Variants in SPDYE18 observed in about 807,000 individuals in gnomAD.
SPDYE18 encodes the protein speedy protein E18.
A neutral mutation model predicts 44.9 loss-of-function variants in SPDYE18; 6 were observed. That is an observed-to-expected ratio of 0.13 (90% CI 0.07 to 0.26). SPDYE18 has a LOEUF of 0.26. Ranked by LOEUF, SPDYE18 falls within the 10% of genes least tolerant of loss-of-function variation. The pLI is 1.00. For synonymous variants in SPDYE18, 35 were observed against 177.1 expected (o/e 0.20, Z 6.37); for missense variants, 121 against 463.2 (o/e 0.26, Z 6.78).
At chr7:77,055,452 C>T (rs1198160688) in intron 5 of SPDYE18, 131 bp from the exon 6 acceptor site, 3 of 1,130,390 alleles carry the variant, frequency 2.7e-6, no homozygotes, top group Non-Finnish European at 4.0e-6. Flanking sequence ...GGTGACTGTA[C>T]TCATTTGGAA....
At chr7:77,053,839 A>G (rs749386706) in intron 6 of SPDYE18, among the ~76,000 whole-genome samples, 1 of 143,230 alleles carries the variant, frequency 7.0e-6, no homozygotes, top group Non-Finnish European at 1.5e-5. Flanking sequence ...ACTCTATCTC[A>G]ATAATCAAAC....
At chr7:77,059,083 G>T in intron 3 of SPDYE18, 97 bp downstream of exon 3, 2 of 1,554,684 alleles carry the variant, frequency 1.3e-6, no homozygotes, top group Admixed American at 1.9e-5. Context: ...CTCACCCACT[G>T]GGGGCGTATC....
At position 77,051,580 on chromosome 7, in the gene SPDYE18, G is replaced by A. The variant is rs372257820; in HGVS notation, c.*345C>T. Among the ~76,000 whole-genome samples, 1 of 152,282 alleles carries A rather than the reference G, an allele frequency of 6.6e-6. No individual in the cohort carries two copies. Among genetic ancestry groups the A allele is most frequent in the Non-Finnish European group, 1.5e-5 (1 of 68,050 alleles). On this transcript the variant is annotated 3_prime_UTR_variant, in exon 9 of 9. Coordinates refer to ENST00000510091, the MANE Select transcript of SPDYE18 (RefSeq NM_001394953.1). ...TAAGAAACAGGACCTCCAGGTTCCG[G>A]CCCAGGGAGGTTGGAATTCAGCAAT...
intron 2 of SPDYE18, among the ~76,000 whole-genome samples, chr7:77,059,657 T>G (rs1300034741): frequency 2.0e-5 from 3 of 151,426 alleles, no homozygotes; most frequent in Non-Finnish European, 4.4e-5. Context: ...TTTTTTGTTT[T>G]GTTTTGTTTT....
Position 77,050,896 on chromosome 7 carries a change from T to C in SPDYE18, c.*1029A>G, listed in dbSNP as rs1220767957. Among the ~76,000 whole-genome samples the C allele has an allele frequency of 3.4e-4, 50 of 148,832 alleles. No individual in the cohort carries two copies. The highest frequency in any genetic ancestry group is 7.2e-3 in the Middle Eastern group (2 of 276). On this transcript the variant is annotated 3_prime_UTR_variant, in exon 9 of 9. Transcript: ENST00000510091. ...AATAATATTTAAAGTAATAATAATA[T>C]TTAAATAAATAAATATATTTAATAA...
intron 6 of SPDYE18, among the ~76,000 whole-genome samples, chr7:77,055,023 C>A (rs1789894863): frequency 6.6e-6 from 1 of 152,274 alleles, no homozygotes; most frequent in Non-Finnish European, 1.5e-5. Context: ...CTGCCTCGGC[C>A]TCCCAAAGTG....
intron 1 of SPDYE18, among the ~76,000 whole-genome samples, chr7:77,062,199 G>A (rs933620238): frequency 4.9e-5 from 7 of 144,034 alleles, no homozygotes; most frequent in African/African-American, 1.7e-4. Flanking sequence ...GGAGTCTCTC[G>A]CTCATAGAAA....
intron 6 of SPDYE18, among the ~76,000 whole-genome samples, chr7:77,054,606 A>T (rs1342228260): frequency 6.6e-6 from 1 of 152,220 alleles, no homozygotes; most frequent in Non-Finnish European, 1.5e-5. Context: ...TTTGTGGTTG[A>T]TGTGGGAAGG....
intron 2 of SPDYE18, among the ~76,000 whole-genome samples, chr7:77,059,665 T>A (rs1789988832): frequency 6.6e-6 from 1 of 151,362 alleles, no homozygotes; most frequent in South Asian, 2.1e-4. Context: ...TTTGTTTTGT[T>A]TTGACACAGA....
At chr7:77,060,996 T>TAAGAGTGAGATTATCACGTAC in intron 1 of SPDYE18, among the ~76,000 whole-genome samples, 63 bp from the exon 2 acceptor site, 1 of 109,388 alleles carries the variant, frequency 9.1e-6, no homozygotes, top group Admixed American at 9.4e-5. Flanking sequence ...TGAAACCTTA[T>TAAGAGTGAGATTATCACGTAC]AAGAGTGAGA....
intron 6 of SPDYE18, among the ~76,000 whole-genome samples, chr7:77,054,502 C>T (rs555768139): frequency 1.3e-4 from 19 of 148,840 alleles, no homozygotes; most frequent in Admixed American, 6.1e-4. Context: ...CTCCAGGAGA[C>T]CCCAGCAGGG....
Position 77,051,661 on chromosome 7 carries a change from C to T in SPDYE18, c.*264G>A, listed in dbSNP as rs1206544181. 5.3e-5 allele frequency among the ~76,000 whole-genome samples: 8 copies of T among 152,152 alleles called. No homozygotes were observed. The highest frequency in any genetic ancestry group is 1.2e-4 in the Non-Finnish European group (8 of 68,008). ...GTGGAACTGGAAACACTCCTGTTTTCTTACTTTTCTCCAAGGACTCCTAGA... is the reference window on the plus strand; with the variant it reads ...GTGGAACTGGAAACACTCCTGTTTTTTTACTTTTCTCCAAGGACTCCTAGA... On this transcript the variant is annotated 3_prime_UTR_variant, in exon 9 of 9. Transcript: ENST00000510091.
At chr7:77,057,000 A>G (rs1199852841) in intron 4 of SPDYE18, among the ~76,000 whole-genome samples, 3 of 152,218 alleles carry the variant, frequency 2.0e-5, no homozygotes, top group African/African-American at 7.2e-5. Flanking sequence ...AGGTTTAGAA[A>G]AGTCAGTAAG....
chr7:77,056,746 G>C (rs865850789), intron 4 of SPDYE18, 138 bp from the exon 5 acceptor site: 1 of 1,032,258 alleles, frequency 9.7e-7, no homozygotes, highest in Non-Finnish European at 1.4e-6. Context: ...GGAGAGGGGA[G>C]AATGACTTTC....
chr7:77,060,579 C>G lies in SPDYE18; in HGVS notation c.-67G>C. Reference sequence around the variant, plus strand: ...ATCAATTCTCAAGCCTAGGAGAAGTCAGGAGTGGAGAACAGCTCTGAGAAG... The same window carrying G: ...ATCAATTCTCAAGCCTAGGAGAAGTGAGGAGTGGAGAACAGCTCTGAGAAG... On this transcript the variant is annotated 5_prime_UTR_variant, in exon 2 of 9. The change abolishes the stop of an existing upstream ORF in the 5' untranslated region. Coordinates refer to ENST00000510091, the MANE Select transcript of SPDYE18 (RefSeq NM_001394953.1). 6.5e-7 allele frequency: 1 copy of G among 1,534,336 alleles called. No homozygotes were observed. Among genetic ancestry groups the G allele is most frequent in the Non-Finnish European group, 8.7e-7 (1 of 1,146,398 alleles).
chr7:77,053,849 CA>C (rs1789866643), intron 6 of SPDYE18, among the ~76,000 whole-genome samples: 4 of 144,708 alleles, frequency 2.8e-5, no homozygotes, highest in Non-Finnish European at 6.0e-5. Context: ...AATAATCAAA[CA>C]AACAAACAAA....
intron 6 of SPDYE18, 99 bp from the exon 7 acceptor site, chr7:77,053,302 C>T (rs1789849069): frequency 6.6e-7 from 1 of 1,512,870 alleles, no homozygotes; most frequent in Non-Finnish European, 8.9e-7. Flanking sequence ...CTGTCCCTAG[C>T]TCAGGACTGG....
chr7:77,061,787 A>AT (rs1790024561), intron 1 of SPDYE18, among the ~76,000 whole-genome samples: 1 of 139,420 alleles, frequency 7.2e-6, no homozygotes, highest in Non-Finnish European at 1.5e-5. Flanking sequence ...TTTTTTTTTG[A>AT]TAAAAAATAA....
intron 6 of SPDYE18, among the ~76,000 whole-genome samples, chr7:77,054,595 G>A (rs1434896878): frequency 9.9e-5 from 15 of 152,178 alleles, no homozygotes; most frequent in South Asian, 2.1e-4. Flanking sequence ...GGTCGATGGC[G>A]TTTGTGGTTG....
Sources: allele counts gnomAD v4.1 joint callset (sites outside exome capture counted in the v4.1 genomes callset), GRCh38; gene constraint gnomAD v4.1.1; transcripts MANE v1.5; gene names NCBI Gene and HGNC (gene_info 2026-07-23, HGNC 2026-07-21).